The following STRIP2 variants were observed in gnomAD, a reference collection of about 807,000 sequenced individuals.
STRIP2 encodes the protein striatin interacting protein 2, also known as striatin-interacting protein 2.
Under a neutral mutation model 107.1 loss-of-function variants are expected in STRIP2, and 84 were observed. The ratio of observed to expected loss-of-function variants is 0.78; its 90% CI spans 0.66 to 0.94. The LOEUF (loss-of-function observed/expected upper bound fraction) is 0.94. Ranked by LOEUF, STRIP2 falls within the 40% of genes least tolerant of loss-of-function variation. STRIP2 has a pLI of 0.00. For missense variants in STRIP2, 888 were observed against 1,034.2 expected, an observed-to-expected ratio of 0.86 and a Z score of 1.94; for synonymous variants, 394 against 400.4, an observed-to-expected ratio of 0.98 and a Z score of 0.19.
In STRIP2 at chr7:129,467,223, A is replaced by T; in HGVS notation, c.1777-127A>T. The T allele has an allele frequency of 4.3e-6, 3 of 692,834 alleles. No homozygotes were observed. In the East Asian group the frequency reaches 8.4e-5, roughly 19 times the overall value. The allele number at this position is 692,834 out of a possible 1,614,324, so 42.9% of individuals were successfully genotyped here. ...TCCCATTTCCCAGACAGGAAGACTGATAACACAAGTGGATAGTAGATATTC... is the reference window on the plus strand; with the variant it reads ...TCCCATTTCCCAGACAGGAAGACTGTTAACACAAGTGGATAGTAGATATTC... On this transcript the variant is annotated intron_variant, in intron 16 of 20. Transcript: ENST00000249344.
intron 17 of STRIP2, among the ~76,000 whole-genome samples, chr7:129,469,805 G>A (rs557259225): frequency 1.3e-5 from 2 of 152,138 alleles, no homozygotes; most frequent in African/African-American, 2.4e-5. Flanking sequence ...TGAACTTGTC[G>A]TCGTCAAAGC....
At chr7:129,449,928 G>A (rs1040924682) in intron 3 of STRIP2, among the ~76,000 whole-genome samples, 13 of 152,192 alleles carry the variant, frequency 8.5e-5, no homozygotes, top group South Asian at 2.1e-4. Context: ...ACTGAACTTC[G>A]GAGCAACCAA....
At chr7:129,441,440 G>T (rs1250346983) in intron 2 of STRIP2, among the ~76,000 whole-genome samples, 1 of 152,166 alleles carries the variant, frequency 6.6e-6, no homozygotes, top group Non-Finnish European at 1.5e-5. Flanking sequence ...TTGTTTATCA[G>T]TGTAAAAAGT....
chr7:129,437,623 G>T (rs1466109456), intron 1 of STRIP2, among the ~76,000 whole-genome samples: 1 of 151,806 alleles, frequency 6.6e-6, no homozygotes, highest in East Asian at 1.9e-4. Context: ...TTTATTCTGA[G>T]ATTCTGTCTT....
At chr7:129,441,448 A>G (rs890314794) in intron 2 of STRIP2, among the ~76,000 whole-genome samples, 3 of 152,260 alleles carry the variant, frequency 2.0e-5, no homozygotes, top group African/African-American at 7.2e-5. Context: ...CAGTGTAAAA[A>G]GTTGGAAACA....
At chr7:129,470,435 G>A (rs1467014414) in intron 17 of STRIP2, among the ~76,000 whole-genome samples, 2 of 152,216 alleles carry the variant, frequency 1.3e-5, no homozygotes, top group African/African-American at 2.4e-5. Context: ...ATGGGTGCCA[G>A]CCTCAAAGAA....
Position 129,480,676 on chromosome 7 carries a change from A to G in STRIP2, c.1945-109A>G, listed in dbSNP as rs553101177. The G allele has an allele frequency of 1.4e-4, 110 of 811,832 alleles. 1 individual carries two copies. In the East Asian group the frequency reaches 2.9e-3, roughly 21 times the overall value. 50.3% of individuals were successfully genotyped at this position (811,832 alleles called of 1,614,324 possible). On this transcript the variant is annotated intron_variant, in intron 18 of 20. Transcript: ENST00000249344. ...AGAAACAGGAAGGTGAGGAGGTATT[A>G]TTTCATACAGGAAGGCCTCACCTAA... is the stretch of plus-strand genomic sequence containing the variant.
chr7:129,476,823 C>A (rs1350142924), intron 18 of STRIP2, among the ~76,000 whole-genome samples: 1 of 152,006 alleles, frequency 6.6e-6, no homozygotes, highest in East Asian at 1.9e-4. Flanking sequence ...CCAAGGCAGG[C>A]GGCTGGGAGG....
rs1002149863 is a variant in STRIP2, at chr7:129,434,612, C to T, written c.129+11C>T. 9 of 1,475,608 alleles carry T rather than the reference C, an allele frequency of 6.1e-6. No individual in the cohort carries two copies. The highest frequency in any genetic ancestry group is 2.9e-5 in the African/African-American group (2 of 68,122). The allele number at this position is 1,475,608 out of a possible 1,614,324, so 91.4% of individuals were successfully genotyped here. A position where few individuals can be genotyped will look rare whatever the true frequency, so the allele number is the denominator to read the frequency against. On this transcript the variant is annotated intron_variant, in intron 1 of 20. Transcript: ENST00000249344. Reference sequence around the variant, plus strand: ...CGGCGGGAGTCAGAGGTGAGGAGCCCGGAAAGCTTCGGCTGGGGCCCGGAG... The same window carrying T: ...CGGCGGGAGTCAGAGGTGAGGAGCCTGGAAAGCTTCGGCTGGGGCCCGGAG...
intron 18 of STRIP2, among the ~76,000 whole-genome samples, chr7:129,477,478 A>G (rs964994532): frequency 6.6e-6 from 1 of 151,996 alleles, no homozygotes; most frequent in Non-Finnish European, 1.5e-5. Flanking sequence ...TCTTGGGGAG[A>G]TTAGAATCTC....
At chr7:129,457,212 A>G (rs1474842384) in intron 9 of STRIP2, among the ~76,000 whole-genome samples, 1 of 152,224 alleles carries the variant, frequency 6.6e-6, no homozygotes, top group East Asian at 1.9e-4. Context: ...CAAACATCAT[A>G]GAGTGTACTT....
chr7:129,479,980 T>A (rs1799076797), intron 18 of STRIP2, among the ~76,000 whole-genome samples: 1 of 152,216 alleles, frequency 6.6e-6, no homozygotes, highest in Admixed American at 6.5e-5. Flanking sequence ...AGCTCACTTC[T>A]ACATGTCATC....
At chr7:129,435,034 G>A (rs1217666122) in intron 1 of STRIP2, among the ~76,000 whole-genome samples, 1 of 152,304 alleles carries the variant, frequency 6.6e-6, no homozygotes, top group East Asian at 1.9e-4. Context: ...TGGGGCAACC[G>A]CAGTCCCCCT....
In STRIP2 at chr7:129,467,966, T is replaced by C. The variant is rs188498456; in HGVS notation, c.1877+516T>C. On this transcript the variant is annotated intron_variant, in intron 17 of 20. Coordinates refer to ENST00000249344, the MANE Select transcript of STRIP2 (RefSeq NM_020704.3). ...TCCTCAGCAATGCTAAGAGTTGTTA[T>C]AAGTTTTATTCTCATTTTTCCAATT... is the stretch of plus-strand genomic sequence containing the variant. Among the ~76,000 whole-genome samples the C allele has an allele frequency of 2.0e-4, 31 of 152,328 alleles. No homozygotes were observed. In the East Asian group the frequency reaches 4.0e-3, roughly 20 times the overall value.
chr7:129,446,912 G>T (rs761241228), intron 3 of STRIP2, among the ~76,000 whole-genome samples: 6 of 152,216 alleles, frequency 3.9e-5, no homozygotes, highest in Non-Finnish European at 5.9e-5. Flanking sequence ...ATGGTGACTT[G>T]ATGACCCATA....
chr7:129,455,198 G>A, intron 7 of STRIP2, 46 bp from the exon 8 acceptor site: 1 of 1,571,792 alleles, frequency 6.4e-7, no homozygotes, highest in Non-Finnish European at 8.6e-7. Flanking sequence ...AAAGGTTTTA[G>A]CTGCCTCATC....
chr7:129,440,148 G>GCCCACCC, intron 2 of STRIP2, 57 bp downstream of exon 2: 1 of 1,395,060 alleles, frequency 7.2e-7, no homozygotes, highest in Non-Finnish European at 1.0e-6. Context: ...AGAGGGAAGG[G>GCCCACCC]GCCTGTGATC....
intron 16 of STRIP2, among the ~76,000 whole-genome samples, chr7:129,465,188 T>C (rs1378599735): frequency 2.0e-5 from 3 of 152,106 alleles, no homozygotes; most frequent in African/African-American, 7.2e-5. Flanking sequence ...GATACAGATA[T>C]ATAAGTAGCC....
chr7:129,455,142 G>C, intron 7 of STRIP2, 102 bp from the exon 8 acceptor site: 2 of 1,377,318 alleles, frequency 1.5e-6, no homozygotes, highest in Non-Finnish European at 2.0e-6. Flanking sequence ...TTCTTCAGGG[G>C]AGGTGAGTGC....
Sources: gnomAD v4.1 joint callset for allele counts (sites outside exome capture counted in the v4.1 genomes callset) on GRCh38, gnomAD v4.1.1 for gene constraint, MANE v1.5 for transcripts, NCBI Gene and HGNC (gene_info 2026-07-23, HGNC 2026-07-21) for gene names.